Variants in PANK2 observed in about 807,000 individuals in gnomAD.
The protein encoded by PANK2 is pantothenate kinase 2.
Under a neutral mutation model 43.1 loss-of-function variants are expected in PANK2, and 36 were observed. The observed-to-expected ratio is 0.84, with a 90% CI of 0.64 to 1.10. PANK2 has a LOEUF of 1.10. PANK2 is among the 50% of genes least tolerant of loss of function. The probability of loss-of-function intolerance (pLI) is 0.00; values close to 1 mark genes in which losing one functional copy is unlikely to be tolerated. For missense variants in PANK2, 576 were observed against 593.3 expected (o/e 0.97, Z 0.30); for synonymous variants, 281 against 238.2 (o/e 1.18, Z -1.66).
At position 3,923,591 on chromosome 20, in the gene PANK2, G is replaced by A; in HGVS notation, c.*297G>A. 2 of 470,918 alleles carry A rather than the reference G, an allele frequency of 4.2e-6. No individual in the cohort carries two copies. Among genetic ancestry groups the A allele is most frequent in the Non-Finnish European group, 7.8e-6 (2 of 257,866 alleles). 29.2% of individuals were successfully genotyped at this position (470,918 alleles called of 1,614,324 possible). ...GAAATCTCTGCATCACTCATTGGAA[G>A]TGCTTCTGAAGAGAGCTGCTCTGTG... On this transcript the variant is annotated 3_prime_UTR_variant, in exon 7 of 7. Transcript: ENST00000610179.
chr20:3,890,838 C>T (rs997516767), intron 1 of PANK2, among the ~76,000 whole-genome samples: 1 of 152,188 alleles, frequency 6.6e-6, no homozygotes, highest in Admixed American at 6.5e-5. Context: ...TTTCCATCTT[C>T]TTGCAACAGA....
At chr20:3,920,108 AT>A (rs1176240056) in intron 6 of PANK2, among the ~76,000 whole-genome samples, 1 of 152,088 alleles carries the variant, frequency 6.6e-6, no homozygotes, top group African/African-American at 2.4e-5. Flanking sequence ...ATTTTGCTTT[AT>A]ATTAGAATTT....
intron 1 of PANK2, among the ~76,000 whole-genome samples, chr20:3,899,203 G>A (rs1021586263): frequency 8.6e-5 from 12 of 139,302 alleles, no homozygotes; most frequent in African/African-American, 3.2e-4. Flanking sequence ...ATGGAGTCTC[G>A]CTCTGTCATC....
chr20:3,891,036 G>GT (rs1025235950), intron 1 of PANK2, among the ~76,000 whole-genome samples: 2 of 151,816 alleles, frequency 1.3e-5, no homozygotes, highest in African/African-American at 4.9e-5. Context: ...AGCCACAAGG[G>GT]TTTTTTTGGT....
In PANK2 at chr20:3,912,541, G is replaced by C. The variant is rs771071114; in HGVS notation, c.989G>C (p.Arg330Pro). Residue 330 changes from arginine (R) to proline (P), a missense_variant, in exon 4 of 7, where the codon CGT becomes CCT. This residue lies in a region of PANK2 where 544 missense variants were observed against 528.9 expected (regional missense o/e 1.03). Coordinates refer to ENST00000610179, the MANE Select transcript of PANK2 (RefSeq NM_001386393.1). ...GAAGAAGCTCTTGAAATGGCATCTCGTGGAGATAGCACCAAAGTGGATAAA... is the reference window on the plus strand; with the variant it reads ...GAAGAAGCTCTTGAAATGGCATCTCCTGGAGATAGCACCAAAGTGGATAAA... 2 of 1,614,140 alleles carry C rather than the reference G, an allele frequency of 1.2e-6. No homozygotes were observed. Among genetic ancestry groups the C allele is most frequent in the East Asian group, 4.5e-5 (2 of 44,884 alleles).
chr20:3,912,967 T>C (rs1182785043), intron 4 of PANK2, among the ~76,000 whole-genome samples: 2 of 127,714 alleles, frequency 1.6e-5, no homozygotes, highest in African/African-American at 5.5e-5. Flanking sequence ...CATAAAATAA[T>C]AATATTGGGC....
At chr20:3,922,593 ACAGCTGCTTGGCTGCTGTGGGCACCT>A (rs1248924301) in intron 6 of PANK2, among the ~76,000 whole-genome samples, 1 of 152,014 alleles carries the variant, frequency 6.6e-6, no homozygotes, top group African/African-American at 2.4e-5. Context: ...CCACCCGGGC[ACAGCTGCTTGGCTGCTGTGGGCACCT>A]CAGCTTCCCA....
At position 3,913,926 on chromosome 20, in the gene PANK2, C is replaced by T. The variant is rs1262907060; in HGVS notation, c.1082+1292C>T. 9.3e-5 allele frequency among the ~76,000 whole-genome samples: 14 copies of T among 150,362 alleles called. No homozygotes were observed. In the East Asian group the frequency reaches 2.6e-3, roughly 27 times the overall value. ...GCTTCAGCCTTCCAAGTAGCTGGGA[C>T]TACAGGTGCCTGCCACCACGCCCGG... is the stretch of plus-strand genomic sequence containing the variant. On this transcript the variant is annotated intron_variant, in intron 4 of 6. Coordinates refer to ENST00000610179, the MANE Select transcript of PANK2 (RefSeq NM_001386393.1).
intron 4 of PANK2, among the ~76,000 whole-genome samples, chr20:3,915,757 T>G (rs1008471745): frequency 1.3e-5 from 2 of 152,228 alleles, no homozygotes; most frequent in Admixed American, 6.5e-5. Flanking sequence ...TAAATTCTCT[T>G]GGCCCCTTTG....
In PANK2 at chr20:3,908,209, C is replaced by T. The variant is rs1326878771; in HGVS notation, c.582C>T (p.Phe194=). ...TTCAAATGGGCAGAGATAAAAACTT[C>T]TCGAGTCTCCACACTGTCTTTTGTG... Residue 194 remains phenylalanine (F), a synonymous_variant, in exon 2 of 7, where the codon TTC becomes TTT. Transcript: ENST00000610179. The T allele has an allele frequency of 1.2e-6, 2 of 1,613,748 alleles. No individual in the cohort carries two copies. The highest frequency in any genetic ancestry group is 1.7e-5 in the Admixed American group (1 of 60,014).
intron 1 of PANK2, among the ~76,000 whole-genome samples, chr20:3,898,467 TG>T (rs2090246895): frequency 6.6e-6 from 1 of 152,152 alleles, no homozygotes; most frequent in Non-Finnish European, 1.5e-5. Context: ...CCCAAAATGC[TG>T]GGATTATAGG....
rs1568601516 is a variant in PANK2, at chr20:3,929,181, GCA to G, written c.*5890_*5891del. 1 of 152,210 alleles carries G rather than the reference GCA, an allele frequency of 6.6e-6. No homozygotes were observed. Among genetic ancestry groups the G allele is most frequent in the Non-Finnish European group, 1.5e-5 (1 of 68,082 alleles). The allele number at this position is 152,210 out of a possible 1,614,324, so 9.4% of individuals were successfully genotyped here. On this transcript the variant is annotated 3_prime_UTR_variant, in exon 7 of 7. Coordinates refer to ENST00000610179, the MANE Select transcript of PANK2 (RefSeq NM_001386393.1). Reference sequence around the variant, plus strand: ...GAAGCATTTTCTTTTCAAAGTGTGTGCACAGAGTGAGGAGGCCAGCCTGGGCA... The same window carrying G: ...GAAGCATTTTCTTTTCAAAGTGTGTGCAGAGTGAGGAGGCCAGCCTGGGCA...
At chr20:3,913,003 G>T (rs2090493623) in intron 4 of PANK2, among the ~76,000 whole-genome samples, 2 of 148,424 alleles carry the variant, frequency 1.3e-5, no homozygotes. Flanking sequence ...GCTCTATTGA[G>T]ATATAATTTA....
At chr20:3,900,517 C>T (rs1329310379) in intron 1 of PANK2, among the ~76,000 whole-genome samples, 1 of 151,862 alleles carries the variant, frequency 6.6e-6, no homozygotes, top group South Asian at 2.1e-4. Context: ...ATGCCATTTT[C>T]ATCTTTCAAA....
At chr20:3,906,648 G>A (rs966034842) in intron 1 of PANK2, among the ~76,000 whole-genome samples, 1 of 151,658 alleles carries the variant, frequency 6.6e-6, no homozygotes, top group African/African-American at 2.4e-5. Flanking sequence ...ATTGAATACT[G>A]TACTAAAAAT....
intron 1 of PANK2, among the ~76,000 whole-genome samples, chr20:3,896,486 G>C (rs1304300722): frequency 6.6e-6 from 1 of 152,108 alleles, no homozygotes; most frequent in Admixed American, 6.6e-5. Context: ...AAACTCCACA[G>C]TGATGTCCTT....
At chr20:3,892,895 G>A (rs1436483504) in intron 1 of PANK2, among the ~76,000 whole-genome samples, 1 of 152,058 alleles carries the variant, frequency 6.6e-6, no homozygotes, top group Admixed American at 6.6e-5. Flanking sequence ...CTAGCGATGA[G>A]GCTAGGCATG....
chr20:3,923,145 G>T (rs1196291518), intron 6 of PANK2, 99 bp from the exon 7 acceptor site: 5 of 1,347,050 alleles, frequency 3.7e-6, no homozygotes, highest in Non-Finnish European at 5.3e-6. Context: ...GGTATGCTGT[G>T]TGTGGGCAGT....
chr20:3,889,615 T>A lies in PANK2; in HGVS notation c.185T>A (p.Val62Glu). ...CGGCGCCGGGCGAGCAGCGCGTCGGTGCCCGCGGTCGGGGCCTCGGCTGAG... is the reference window on the plus strand; with the variant it reads ...CGGCGCCGGGCGAGCAGCGCGTCGGAGCCCGCGGTCGGGGCCTCGGCTGAG... The change falls in exon 1 of 7, where the codon GTG (valine) becomes GAG (glutamate). Residue 62 changes from valine (V) to glutamate (E), a missense_variant. Val to Glu is a moderately radical substitution (Grantham distance 121). Coordinates refer to ENST00000610179, the MANE Select transcript of PANK2 (RefSeq NM_001386393.1). 1 of 1,537,748 alleles carries A rather than the reference T, an allele frequency of 6.5e-7. No individual in the cohort carries two copies. The highest frequency in any genetic ancestry group is 8.7e-7 in the Non-Finnish European group (1 of 1,151,114).
Sources: allele counts gnomAD v4.1 joint callset (sites outside exome capture counted in the v4.1 genomes callset), GRCh38; gene constraint gnomAD v4.1.1; regional missense constraint gnomAD v4.1.1; transcripts MANE v1.5; gene names NCBI Gene and HGNC (gene_info 2026-07-23, HGNC 2026-07-21).